Variants in MTUS2 observed in about 807,000 individuals in gnomAD.
The protein encoded by MTUS2 is microtubule associated scaffold protein 2.
A neutral mutation model predicts 114.1 loss-of-function variants in MTUS2; 40 were observed. That is an observed-to-expected ratio of 0.35 (90% confidence interval 0.27 to 0.46). MTUS2 has a LOEUF of 0.46. MTUS2 is among the 20% of genes least tolerant of loss of function. The probability of loss-of-function intolerance (pLI) is 1.00; values close to 1 mark genes in which losing one functional copy is unlikely to be tolerated. For synonymous variants in MTUS2, 688 were observed against 672.0 expected, an observed-to-expected ratio of 1.02 and a Z score of -0.37; for missense variants, 1,679 against 1,705.4, an observed-to-expected ratio of 0.98 and a Z score of 0.27.
At chr13:29,011,226 A>G (rs7329021) in intron 2 of MTUS2, among the ~76,000 whole-genome samples, 72,446 of 151,998 alleles carry the variant, frequency 0.48, 17,699 homozygotes, top group South Asian at 0.72. Context: ...AAACATGCCC[A>G]TGAAAATTCA....
At position 28,907,631 on chromosome 13, in the gene MTUS2, C is replaced by A. The variant is rs1489453476; in HGVS notation, c.-243+67781C>A. ...GTCTCGGATAAAACAGACTTTAAAC[C>A]AACAAAGATCAAAAGAGACAAAGAA... On this transcript the variant is annotated intron_variant, in intron 2 of 15. Coordinates refer to ENST00000612955, the MANE Select transcript of MTUS2 (RefSeq NM_001033602.4). Among the ~76,000 whole-genome samples, 5 of 151,226 alleles carry A rather than the reference C, an allele frequency of 3.3e-5. 1 individual carries two copies. The South Asian group carries it at 8.4e-4, about 25-fold the overall frequency.
chr13:29,173,160 TAAAATC>T (rs1335339243), intron 5 of MTUS2, among the ~76,000 whole-genome samples: 1 of 152,208 alleles, frequency 6.6e-6, no homozygotes, highest in Non-Finnish European at 1.5e-5. Context: ...TTTGGTATGT[TAAAATC>T]AATATCTCTG....
intron 5 of MTUS2, among the ~76,000 whole-genome samples, chr13:29,110,613 G>A (rs1890845345): frequency 6.6e-6 from 1 of 152,084 alleles, no homozygotes; most frequent in African/African-American, 2.4e-5. Context: ...CACACATTCA[G>A]TTCTTTCTCT....
At chr13:28,851,318 C>T (rs1297130828) in intron 2 of MTUS2, among the ~76,000 whole-genome samples, 4 of 152,184 alleles carry the variant, frequency 2.6e-5, no homozygotes. Context: ...ATTATGTAAG[C>T]ACATACATTT....
At chr13:29,086,552 A>G (rs1330709928) in intron 4 of MTUS2, among the ~76,000 whole-genome samples, 1 of 152,174 alleles carries the variant, frequency 6.6e-6, no homozygotes, top group African/African-American at 2.4e-5. Context: ...GAAGTTGAAT[A>G]GTGTTATGCC....
chr13:29,229,746 T>C (rs1896250629), intron 5 of MTUS2, among the ~76,000 whole-genome samples: 1 of 152,226 alleles, frequency 6.6e-6, no homozygotes, highest in Admixed American at 6.5e-5. Flanking sequence ...CCTGTTATTA[T>C]AGGAAACTCA....
chr13:29,220,618 A>G (rs892971451), intron 5 of MTUS2, among the ~76,000 whole-genome samples: 5 of 152,254 alleles, frequency 3.3e-5, no homozygotes, highest in African/African-American at 1.2e-4. Context: ...TACAATGTTT[A>G]TCAATTAAAT....
At chr13:28,827,157 CAT>C (rs1340996508) in intron 1 of MTUS2, among the ~76,000 whole-genome samples, 2 of 152,188 alleles carry the variant, frequency 1.3e-5, no homozygotes, top group Non-Finnish European at 2.9e-5. Flanking sequence ...GAATTGAAAT[CAT>C]GTAGCAGAAT....
At chr13:29,350,728 C>T (rs1227866666) in intron 7 of MTUS2, among the ~76,000 whole-genome samples, 1 of 151,650 alleles carries the variant, frequency 6.6e-6, no homozygotes, top group Non-Finnish European at 1.5e-5. Flanking sequence ...CTGAGAAATC[C>T]AAGATCAAGG....
chr13:29,066,570 C>G (rs981720278), intron 4 of MTUS2, among the ~76,000 whole-genome samples: 1 of 152,168 alleles, frequency 6.6e-6, no homozygotes. Flanking sequence ...CACTACAACT[C>G]TTTTTACAAA....
chr13:29,112,703 A>G (rs1310148376), intron 5 of MTUS2, among the ~76,000 whole-genome samples: 2 of 152,158 alleles, frequency 1.3e-5, no homozygotes, highest in Non-Finnish European at 2.9e-5. Context: ...AGATGGAGCA[A>G]TTCCTGGGGC....
chr13:29,270,652 G>A (rs564584195), intron 5 of MTUS2, among the ~76,000 whole-genome samples: 1 of 152,234 alleles, frequency 6.6e-6, no homozygotes, highest in Non-Finnish European at 1.5e-5. Context: ...CGTGGGGCTG[G>A]TACCATGCCC....
At chr13:29,206,441 C>A (rs978379108) in intron 5 of MTUS2, among the ~76,000 whole-genome samples, 3 of 152,012 alleles carry the variant, frequency 2.0e-5, no homozygotes, top group African/African-American at 7.2e-5. Flanking sequence ...CTCTGTTTTT[C>A]TTGAATTTGC....
chr13:29,382,544 AGAAGTTTACGAACT>A (rs2138371001), intron 8 of MTUS2, among the ~76,000 whole-genome samples: 1 of 152,342 alleles, frequency 6.6e-6, no homozygotes, highest in East Asian at 1.9e-4. Flanking sequence ...TGGAATCCAC[AGAAGTTTACGAACT>A]GAGTTCTTAG....
In MTUS2 at chr13:29,281,785, T is replaced by G; in HGVS notation, c.2726T>G (p.Val909Gly). ...SKDTPKGAGR[V>G]APPASSSVTA... ...GACACACCCAAGGGGGCCGGCCGGG[T>G]GGCCCCTCCAGCATCCTCCAGTGTG... Residue 909 changes from valine to glycine, a missense_variant, in exon 6 of 16, where the codon GTG (valine) becomes GGG (glycine). Around this residue, in one of 3 missense-constraint regions of MTUS2, gnomAD observed 822 missense variants for 899.7 expected, o/e 0.91. Coordinates refer to ENST00000612955, the MANE Select transcript of MTUS2 (RefSeq NM_001033602.4). 6.2e-7 allele frequency: 1 copy of G among 1,612,370 alleles called. No homozygotes were observed. The highest frequency in any genetic ancestry group is 2.2e-5 in the East Asian group (1 of 44,774).
rs1011865458 is a variant in MTUS2, at chr13:29,471,857, C to T, written c.3185-8293C>T. Among the ~76,000 whole-genome samples the T allele has an allele frequency of 2.0e-5, 3 of 151,932 alleles. 1 individual carries two copies. Among genetic ancestry groups the T allele is most frequent in the Middle Eastern group, 6.8e-3 (2 of 292 alleles). On this transcript the variant is annotated intron_variant, in intron 9 of 15. Transcript: ENST00000612955. ...CCCCTAGTAGGCTTACTGTGGGTAA[C>T]GGTATGAGGCAGGTGCTTGGCACCC...
intron 7 of MTUS2, among the ~76,000 whole-genome samples, chr13:29,355,985 G>A (rs1481427516): frequency 6.6e-6 from 1 of 152,112 alleles, no homozygotes; most frequent in Non-Finnish European, 1.5e-5. Flanking sequence ...CATTGTAGGG[G>A]ACCAGAGTGT....
Position 29,389,377 on chromosome 13 carries a change from ATATGTATACACG to A in MTUS2, c.3117+29906_3117+29917del, listed in dbSNP as rs1872949303. ...TATATATGTATGCACGTGTGTGTAT[ATATGTATACACG>A]TGTGTGTATATATGTATACACGTGT... On this transcript the variant is annotated intron_variant, in intron 8 of 15. Transcript: ENST00000612955. Among the ~76,000 whole-genome samples the A allele has an allele frequency of 1.3e-4, 8 of 59,930 alleles. 2 individuals are homozygous for A. Among genetic ancestry groups the A allele is most frequent in the East Asian group, 9.8e-4 (2 of 2,050 alleles). 39.3% of individuals were successfully genotyped at this position (59,930 alleles called of 152,430 possible).
At chr13:29,386,722 T>G (rs1467823719) in intron 8 of MTUS2, among the ~76,000 whole-genome samples, 2 of 152,214 alleles carry the variant, frequency 1.3e-5, no homozygotes, top group African/African-American at 4.8e-5. Flanking sequence ...TCTAGAGCAG[T>G]GAGTCCAACT....
Sources: gnomAD v4.1 joint callset for allele counts (sites outside exome capture counted in the v4.1 genomes callset) on GRCh38, gnomAD v4.1.1 for gene constraint, gnomAD v4.1.1 regional missense constraint, MANE v1.5 for transcripts, NCBI Gene and HGNC (gene_info 2026-07-23, HGNC 2026-07-21) for gene names.